DLG2: variants seen among roughly 807,000 people sequenced by gnomAD.
DLG2 encodes the protein disks large homolog 2.
A neutral mutation model predicts 132.5 loss-of-function variants in DLG2; 45 were observed. The ratio of observed to expected loss-of-function variants is 0.34; its 90% confidence interval spans 0.27 to 0.44. The LOEUF (loss-of-function observed/expected upper bound fraction) is 0.44. Ranked by LOEUF, DLG2 falls within the 20% of genes least tolerant of loss-of-function variation. DLG2 has a pLI of 1.00. For synonymous variants in DLG2, 424 were observed against 419.6 expected (o/e 1.01, Z -0.13); for missense variants, 1,045 against 1,196.9 (o/e 0.87, Z 1.87).
At chr11:84,489,428 C>T (rs761286888) in intron 7 of DLG2, among the ~76,000 whole-genome samples, 13 of 152,106 alleles carry the variant, frequency 8.5e-5, no homozygotes, top group Admixed American at 3.9e-4. Context: ...CCACTAAACA[C>T]TCCATTCCCT....
Position 84,928,982 on chromosome 11 carries a change from G to GTGTGTATATA in DLG2, c.357+182678_357+182679insTATATACACA, listed in dbSNP as rs1400906684. On this transcript the variant is annotated intron_variant, in intron 6 of 27. Transcript: ENST00000376104. ...TATGTGTGTGTGTGTGTGTGTGTGT[G>GTGTGTATATA]TATATATATATATATATATATATAT... 2.1e-3 allele frequency among the ~76,000 whole-genome samples: 103 copies of GTGTGTATATA among 49,092 alleles called. 1 individual carries two copies. The highest frequency in any genetic ancestry group is 2.3e-3 in the Non-Finnish European group (65 of 28,142). The allele number at this position is 49,092 out of a possible 152,430, so 32.2% of individuals were successfully genotyped here.
intron 15 of DLG2, among the ~76,000 whole-genome samples, chr11:83,902,577 T>C (rs137983107): frequency 2.7e-4 from 41 of 152,270 alleles, no homozygotes; most frequent in Non-Finnish European, 2.9e-5. Flanking sequence ...AAATGTTTAA[T>C]CTAGAAAAGG....
intron 17 of DLG2, among the ~76,000 whole-genome samples, chr11:83,798,842 C>A (rs892693323): frequency 6.6e-6 from 1 of 152,144 alleles, no homozygotes; most frequent in Non-Finnish European, 1.5e-5. Context: ...AATCTATTTT[C>A]ATTTTTCCTG....
intron 7 of DLG2, among the ~76,000 whole-genome samples, chr11:84,394,700 C>T (rs1399709015): frequency 6.6e-6 from 1 of 151,844 alleles, no homozygotes; most frequent in Non-Finnish European, 1.5e-5. Context: ...GTGATCTCAG[C>T]TACCTCTGCC....
At chr11:84,374,152 G>C (rs1033261864) in intron 7 of DLG2, among the ~76,000 whole-genome samples, 2 of 152,064 alleles carry the variant, frequency 1.3e-5, no homozygotes, top group Non-Finnish European at 2.9e-5. Context: ...ATATCTCTAG[G>C]ACCCATTCCT....
At chr11:84,695,384 C>G (rs1420801065) in intron 6 of DLG2, among the ~76,000 whole-genome samples, 1 of 151,592 alleles carries the variant, frequency 6.6e-6, no homozygotes, top group East Asian at 1.9e-4. Context: ...GGAAGCACCT[C>G]TGAATCATAA....
chr11:83,828,386 C>T (rs1227771416), intron 17 of DLG2, among the ~76,000 whole-genome samples: 2 of 152,144 alleles, frequency 1.3e-5, no homozygotes, highest in African/African-American at 2.4e-5. Context: ...CAGCCAGACT[C>T]CGTCACAAAT....
intron 6 of DLG2, among the ~76,000 whole-genome samples, chr11:84,917,978 A>G (rs2092570551): frequency 6.6e-6 from 1 of 152,160 alleles, no homozygotes; most frequent in Non-Finnish European, 1.5e-5. Context: ...CGGTCCATAC[A>G]TTGTGATTCA....
intron 8 of DLG2, among the ~76,000 whole-genome samples, chr11:84,211,259 C>T (rs927605985): frequency 1.2e-4 from 18 of 152,254 alleles, no homozygotes; most frequent in Middle Eastern, 3.4e-3. Context: ...TATGGCATTC[C>T]TATTATTGCA....
chr11:84,674,545 A>G (rs12274110), intron 6 of DLG2, among the ~76,000 whole-genome samples: 74,030 of 151,862 alleles, frequency 0.49, 20,451 homozygotes, highest in African/African-American at 0.77. Flanking sequence ...TATAGAACTG[A>G]ATATCTCTGG....
chr11:85,199,667 G>GAGAGGTCAAC (rs1419594767), intron 4 of DLG2, among the ~76,000 whole-genome samples: 1 of 152,146 alleles, frequency 6.6e-6, no homozygotes, highest in Non-Finnish European at 1.5e-5. Context: ...TCTTTGGAAA[G>GAGAGGTCAAC]TACCATTGAT....
At chr11:83,677,014 C>T (rs560323593) in intron 18 of DLG2, among the ~76,000 whole-genome samples, 1 of 152,258 alleles carries the variant, frequency 6.6e-6, no homozygotes, top group South Asian at 2.1e-4. Flanking sequence ...GAACACATGG[C>T]TTTCCCAAGT....
intron 3 of DLG2, among the ~76,000 whole-genome samples, chr11:85,509,700 CAG>C (rs1281754410): frequency 6.6e-6 from 1 of 151,948 alleles, no homozygotes; most frequent in Admixed American, 6.6e-5. Flanking sequence ...TGCCATGAGT[CAG>C]GTGCTGTGAT....
At chr11:83,751,209 C>A (rs2093284532) in intron 18 of DLG2, among the ~76,000 whole-genome samples, 1 of 152,112 alleles carries the variant, frequency 6.6e-6, no homozygotes, top group Non-Finnish European at 1.5e-5. Context: ...ACATTCTTGG[C>A]TAGAGAACAG....
At chr11:85,275,020 C>A (rs1450648307) in intron 4 of DLG2, among the ~76,000 whole-genome samples, 1 of 152,076 alleles carries the variant, frequency 6.6e-6, no homozygotes, top group Non-Finnish European at 1.5e-5. Context: ...GGGAAGATAC[C>A]CTATCCTTCA....
intron 6 of DLG2, among the ~76,000 whole-genome samples, chr11:84,987,874 C>T (rs2056668285): frequency 6.6e-6 from 1 of 152,130 alleles, no homozygotes; most frequent in Admixed American, 6.5e-5. Context: ...GATTTCATGA[C>T]CAAGAACCCA....
In DLG2 at chr11:84,159,527, G is replaced by A. The variant is rs555057732; in HGVS notation, c.624+3934C>T. ...GAAAAGCTTGGCTTGTTTGAGAAAC[G>A]TCAAGGTCACCGTGGCTAGAGTGAA... On this transcript the variant is annotated intron_variant, in intron 9 of 27. Coordinates refer to ENST00000376104, the MANE Select transcript of DLG2 (RefSeq NM_001142699.3). 3.3e-5 allele frequency among the ~76,000 whole-genome samples: 5 copies of A among 152,214 alleles called. No individual in the cohort carries two copies. The East Asian group carries it at 5.8e-4, about 18-fold the overall frequency.
intron 21 of DLG2, among the ~76,000 whole-genome samples, chr11:83,503,856 T>C (rs1313803435): frequency 6.6e-6 from 1 of 152,146 alleles, no homozygotes; most frequent in Non-Finnish European, 1.5e-5. Flanking sequence ...ATCACAAGTC[T>C]ACCCCTTGTC....
chr11:84,045,608 G>T (rs543473630), intron 11 of DLG2, among the ~76,000 whole-genome samples: 1 of 151,582 alleles, frequency 6.6e-6, no homozygotes, highest in Non-Finnish European at 1.5e-5. Context: ...TGGAGCTCAC[G>T]TGCACAAAAT....
Sources: gnomAD v4.1 joint callset for allele counts (sites outside exome capture counted in the v4.1 genomes callset) on GRCh38, gnomAD v4.1.1 for gene constraint, MANE v1.5 for transcripts, NCBI Gene and HGNC (gene_info 2026-07-23, HGNC 2026-07-21) for gene names.